Variants in GOLGA3 observed in about 807,000 individuals in gnomAD.
GOLGA3 encodes golgin subfamily A member 3.
GOLGA3 carries 75 observed loss-of-function variants against 169.4 expected under a neutral mutation model. That is an observed-to-expected ratio of 0.44 (90% confidence interval 0.37 to 0.54). GOLGA3 has a LOEUF of 0.54. Among genes scored for constraint, GOLGA3 ranks in the 20% least tolerant of loss-of-function variants. GOLGA3 has a pLI of 0.00. For synonymous variants in GOLGA3, 824 were observed against 822.4 expected, an observed-to-expected ratio of 1.00 and a Z score of -0.03; for missense variants, 1,899 against 1,930.0, an observed-to-expected ratio of 0.98 and a Z score of 0.30.
intron 8 of GOLGA3, among the ~76,000 whole-genome samples, chr12:132,799,126 G>A (rs1949012760): frequency 6.6e-6 from 1 of 152,222 alleles, no homozygotes; most frequent in Non-Finnish European, 1.5e-5. Flanking sequence ...GGAGTGCACA[G>A]TGCGAGACGT....
At chr12:132,814,336 TAAC>T (rs1949861952) in intron 3 of GOLGA3, among the ~76,000 whole-genome samples, 1 of 152,178 alleles carries the variant, frequency 6.6e-6, no homozygotes, top group Non-Finnish European at 1.5e-5. Context: ...AAGTGCCTTT[TAAC>T]AACAGAAAGA....
intron 22 of GOLGA3, chr12:132,774,721 A>G (rs2045124791): frequency 2.4e-6 from 1 of 423,148 alleles, no homozygotes; most frequent in Non-Finnish European, 4.2e-6. Flanking sequence ...TTCCACAGAT[A>G]AGCACACGAC....
chr12:132,788,945 C>CCCCAGACACAGGCCCCGT, intron 13 of GOLGA3, 82 bp downstream of exon 13: 1 of 1,254,158 alleles, frequency 8.0e-7, no homozygotes, highest in Non-Finnish European at 1.1e-6. Context: ...ACAGGCCCCG[C>CCCCAGACACAGGCCCCGT]CCCAGACACA....
intron 4 of GOLGA3, among the ~76,000 whole-genome samples, chr12:132,810,867 G>A (rs190930687): frequency 6.6e-6 from 1 of 152,240 alleles, no homozygotes; most frequent in African/African-American, 2.4e-5. Flanking sequence ...GTGATGCTGT[G>A]CTTCAGTGGT....
chr12:132,810,264 T>G (rs1055678560), intron 4 of GOLGA3, among the ~76,000 whole-genome samples: 1 of 151,972 alleles, frequency 6.6e-6, no homozygotes, highest in Non-Finnish European at 1.5e-5. Context: ...AAAAAAAAAT[T>G]TCTTCAAAAA....
At chr12:132,779,671 T>G (rs2045443036) in intron 18 of GOLGA3, among the ~76,000 whole-genome samples, 1 of 152,130 alleles carries the variant, frequency 6.6e-6, no homozygotes. Context: ...CTTGTGTTCC[T>G]CCTAGAAATT....
chr12:132,775,104 A>G, intron 22 of GOLGA3, 37 bp downstream of exon 22: 2 of 1,590,700 alleles, frequency 1.3e-6, no homozygotes, highest in South Asian at 2.2e-5. Flanking sequence ...TCTACAGCGC[A>G]CGTCGGCTAC....
intron 4 of GOLGA3, among the ~76,000 whole-genome samples, chr12:132,809,025 A>G (rs1949565496): frequency 6.6e-6 from 1 of 152,222 alleles, no homozygotes; most frequent in African/African-American, 2.4e-5. Context: ...GCTGTTATTT[A>G]TTGGATACAA....
In GOLGA3 at chr12:132,807,222, C is replaced by T; in HGVS notation, c.1245G>A (p.Met415Ile). The T allele has an allele frequency of 6.2e-7, 1 of 1,605,808 alleles. No individual in the cohort carries two copies. Among genetic ancestry groups the T allele is most frequent in the Non-Finnish European group, 8.5e-7 (1 of 1,175,664 alleles). ...EEMLQVLKEK[M>I]RLEGQLEALS... ...AGGCTTCCAGCTGTCCTTCGAGTCGCATTTTCTCTTTGAGCACCTGCAGCA... is the reference window on the plus strand; with the variant it reads ...AGGCTTCCAGCTGTCCTTCGAGTCGTATTTTCTCTTTGAGCACCTGCAGCA... The change falls in exon 6 of 24, where the codon ATG becomes ATA. Residue 415 changes from methionine (M) to isoleucine (I), a missense_variant. Met to Ile is a conservative substitution (Grantham distance 10). Transcript: ENST00000450791.
At chr12:132,799,010 A>G (rs1949006272) in intron 8 of GOLGA3, among the ~76,000 whole-genome samples, 1 of 152,214 alleles carries the variant, frequency 6.6e-6, no homozygotes, top group Non-Finnish European at 1.5e-5. Flanking sequence ...GGCCCTGAGG[A>G]GGACGGCGTC....
chr12:132,788,130 G>A (rs1267696951), intron 13 of GOLGA3, among the ~76,000 whole-genome samples: 1 of 151,622 alleles, frequency 6.6e-6, no homozygotes, highest in African/African-American at 2.4e-5. Context: ...CCCTCCCCTT[G>A]GCCCACCTCC....
chr12:132,828,096 C>G (rs1950497048), intron 1 of GOLGA3, among the ~76,000 whole-genome samples: 1 of 152,166 alleles, frequency 6.6e-6, no homozygotes, highest in South Asian at 2.1e-4. Flanking sequence ...GCCTGAGGCG[C>G]GCTTTTCTCA....
rs369847449 is a variant in GOLGA3 at position 132,822,120 on chromosome 12, G to A, written c.9C>T (p.Gly3=). MD[G]ASAEQDGLQE... ...GGAGGCCATCTTGCTCGGCCGACGC[G>A]CCGTCCATGGTCAGGACGACACCAG... Residue 3 remains glycine, a synonymous_variant, in exon 2 of 24, where the codon GGC becomes GGT. Coordinates refer to ENST00000450791, the MANE Select transcript of GOLGA3 (RefSeq NM_001389683.1). The A allele has an allele frequency of 8.7e-5, 139 of 1,605,166 alleles. 1 individual carries two copies. The highest frequency in any genetic ancestry group is 1.2e-4 in the African/African-American group (9 of 74,190).
At chr12:132,818,828 C>A (rs188018740) in intron 2 of GOLGA3, among the ~76,000 whole-genome samples, 3 of 152,140 alleles carry the variant, frequency 2.0e-5, no homozygotes, top group Admixed American at 2.0e-4. Context: ...AGCCCAGAAC[C>A]GCGCTTCTGC....
rs981230510 is a variant in GOLGA3, at chr12:132,796,290, C to T, written c.2101-70G>A. On this transcript the variant is annotated intron_variant, in intron 10 of 23. Coordinates refer to ENST00000450791, the MANE Select transcript of GOLGA3 (RefSeq NM_001389683.1). ...CGAGAGCGTATGCCCTTTTCCTGTT[C>T]GGGTTTCAAGTAATTTTGATGGACA... is the stretch of plus-strand genomic sequence containing the variant. 1.9e-5 allele frequency: 29 copies of T among 1,498,484 alleles called. No individual in the cohort carries two copies. In the Admixed American group the frequency reaches 2.6e-4, roughly 13 times the overall value. 92.8% of individuals were successfully genotyped at this position (1,498,484 alleles called of 1,614,324 possible). A position where few individuals can be genotyped will look rare whatever the true frequency, so the allele number is the denominator to read the frequency against.
chr12:132,805,696 C>G (rs1343918816), intron 6 of GOLGA3, among the ~76,000 whole-genome samples: 1 of 152,170 alleles, frequency 6.6e-6, no homozygotes, highest in Non-Finnish European at 1.5e-5. Context: ...AGGCCCAGGA[C>G]GCACAGGGAG....
chr12:132,795,956 T>C lies in GOLGA3; in HGVS notation c.2365A>G (p.Lys789Glu). The change falls in exon 11 of 24, where the codon AAG becomes GAG. Residue 789 changes from lysine to glutamate, a missense_variant. By Grantham distance (56) the Lys-to-Glu change is moderately conservative. Transcript: ENST00000450791. The stretch of plus-strand genomic sequence containing the variant: ...CTTGCTCCTCTGTCAAGCTCCTCCT[T>C]GCCACTCTTGGCCGCCTGCAAAGCC... ...EAALQAAKSG[K>E]EELDRGARRL... The C allele has an allele frequency of 6.2e-7, 1 of 1,614,084 alleles. No homozygotes were observed. Among genetic ancestry groups the C allele is most frequent in the Non-Finnish European group, 8.5e-7 (1 of 1,180,040 alleles).
At position 132,798,424 on chromosome 12, in the gene GOLGA3, C is replaced by T; in HGVS notation, c.1854G>A (p.Val618=). 6.2e-7 allele frequency: 1 copy of T among 1,613,596 alleles called. No homozygotes were observed. The highest frequency in any genetic ancestry group is 8.5e-7 in the Non-Finnish European group (1 of 1,179,716). Residue 618 remains valine, a synonymous_variant, in exon 9 of 24, where the codon GTG becomes GTA. Transcript: ENST00000450791. ...TTTCCGTCAGCTGCTGGGACAGGGA[C>T]ACATTCTCGAGTTTCAGGTGCTCCA... ...GLLEHLKLEN[V]SLSQQLTETQ... is the part of the protein sequence containing the mutation.
chr12:132,773,384 G>C, intron 23 of GOLGA3, 90 bp from the exon 24 acceptor site: 4 of 824,254 alleles, frequency 4.9e-6, no homozygotes, highest in Non-Finnish European at 5.3e-6. Context: ...GCTAGCACCT[G>C]AGTGGACCGG....
Sources: allele counts gnomAD v4.1 joint callset (sites outside exome capture counted in the v4.1 genomes callset), GRCh38; gene constraint gnomAD v4.1.1; transcripts MANE v1.5; gene names NCBI Gene and HGNC (gene_info 2026-07-23, HGNC 2026-07-21).